ADGRV1: variants seen among roughly 807,000 people sequenced by gnomAD.
ADGRV1 encodes the protein adhesion G protein-coupled receptor V1.
ADGRV1 carries 359 observed loss-of-function variants against 596.2 expected under a neutral mutation model. That is an observed-to-expected ratio of 0.60 (90% confidence interval 0.55 to 0.66). The LOEUF is 0.66. Ranked by LOEUF, ADGRV1 falls within the 30% of genes least tolerant of loss-of-function variation. ADGRV1 has a pLI of 0.00. For synonymous variants in ADGRV1, 2,681 were observed against 2,679.2 expected (o/e 1.00, Z -0.02); for missense variants, 7,274 against 7,575.6 (o/e 0.96, Z 1.48).
rs1561765715 is a variant in ADGRV1, at chr5:90,802,823, A to G, written c.14602A>G (p.Ile4868Val). 1.2e-6 allele frequency: 2 copies of G among 1,612,122 alleles called. No homozygotes were observed. Among genetic ancestry groups the G allele is most frequent in the Non-Finnish European group, 1.7e-6 (2 of 1,179,170 alleles). ...VGGRFYGMPTILQEAKSAVLP... is the reference protein window; with the variant it reads ...VGGRFYGMPTVLQEAKSAVLP... ...TGGACGTTTCTATGGAATGCCAACA[A>G]TTCTTCAGGAAGCAAAATCTGCTGT... Residue 4868 changes from isoleucine to valine, a missense_variant, in exon 71 of 90, where the codon ATT (isoleucine) becomes GTT (valine). Ile to Val is a conservative substitution (Grantham distance 29). This residue lies in a region of ADGRV1 where 1,874 missense variants were observed against 1,970.2 expected (regional missense o/e 0.95). Coordinates refer to ENST00000405460, the MANE Select transcript of ADGRV1 (RefSeq NM_032119.4).
intron 81 of ADGRV1, among the ~76,000 whole-genome samples, chr5:90,855,006 A>T (rs1311093707): frequency 1.3e-5 from 2 of 152,328 alleles, no homozygotes; most frequent in South Asian, 4.1e-4. Flanking sequence ...AATCTTCAAT[A>T]TATAATTAAT....
intron 36 of ADGRV1, among the ~76,000 whole-genome samples, 159 bp downstream of exon 36, chr5:90,704,647 A>G (rs1748359460): frequency 1.3e-5 from 2 of 152,196 alleles, no homozygotes; most frequent in Admixed American, 1.3e-4. Context: ...AATTAGCACC[A>G]TATGGGAATA....
intron 83 of ADGRV1, chr5:90,929,193 C>A (rs563498849): frequency 0.018 from 2,857 of 159,746 alleles, 22 homozygotes; most frequent in Non-Finnish European, 0.021. Context: ...TTGTTTACCT[C>A]AGCAAGCCTG....
chr5:91,070,892 T>C (rs1788330343), intron 85 of ADGRV1, among the ~76,000 whole-genome samples: 1 of 152,114 alleles, frequency 6.6e-6, no homozygotes, highest in Admixed American at 6.6e-5. Context: ...TGTCAGTCAT[T>C]CAAAAAACAA....
intron 83 of ADGRV1, among the ~76,000 whole-genome samples, chr5:90,927,319 T>C (rs1471884492): frequency 6.6e-6 from 1 of 151,534 alleles, no homozygotes; most frequent in Non-Finnish European, 1.5e-5. Context: ...TGGGTGCTCC[T>C]GTATTGGGTG....
chr5:90,948,028 AG>A (rs1471869526), intron 83 of ADGRV1, among the ~76,000 whole-genome samples: 1 of 152,116 alleles, frequency 6.6e-6, no homozygotes, highest in African/African-American at 2.4e-5. Context: ...TTCCTTACAA[AG>A]GTGCTTGAGC....
In ADGRV1 at chr5:90,960,667, G is replaced by A. The variant is rs148491528; in HGVS notation, c.17857-4748G>A. 5.1e-3 allele frequency among the ~76,000 whole-genome samples: 777 copies of A among 152,264 alleles called. 7 individuals carry two copies. Among genetic ancestry groups the A allele is most frequent in the African/African-American group, 0.018 (744 of 41,544 alleles). On this transcript the variant is annotated intron_variant, in intron 83 of 89. Transcript: ENST00000405460. ...AGTCTAGGAATCTGCCGTGATCAGA[G>A]TAAGCAGGTAGAATTTCCAGTTATT...
intron 59 of ADGRV1, among the ~76,000 whole-genome samples, chr5:90,767,429 T>G (rs1020347305): frequency 1.1e-4 from 17 of 152,054 alleles, no homozygotes; most frequent in African/African-American, 4.1e-4. Flanking sequence ...AAATAAGAAT[T>G]GACGAGAAGG....
At chr5:90,651,545 A>G in intron 17 of ADGRV1, 59 bp from the exon 18 acceptor site, 1 of 1,334,616 alleles carries the variant, frequency 7.5e-7, no homozygotes, top group Non-Finnish European at 1.0e-6. Flanking sequence ...TTAAAAGTAT[A>G]AATTTTACAG....
At chr5:90,686,933 T>A (rs1457289646) in intron 29 of ADGRV1, among the ~76,000 whole-genome samples, 2 of 152,234 alleles carry the variant, frequency 1.3e-5, no homozygotes, top group African/African-American at 2.4e-5. Context: ...GGTATCTCAT[T>A]GTGGTTTTGA....
At chr5:90,819,186 T>G (rs1401152670) in intron 75 of ADGRV1, among the ~76,000 whole-genome samples, 1 of 152,206 alleles carries the variant, frequency 6.6e-6, no homozygotes, top group African/African-American at 2.4e-5. Context: ...CTTCTAGATA[T>G]TCTAGTTTAT....
intron 34 of ADGRV1, among the ~76,000 whole-genome samples, chr5:90,700,152 C>G (rs1360295716): frequency 6.6e-6 from 1 of 152,108 alleles, no homozygotes; most frequent in Admixed American, 6.5e-5. Flanking sequence ...AAATGTGTAT[C>G]ATGATGATTT....
At position 90,920,008 on chromosome 5, in the gene ADGRV1, A is replaced by G. The variant is rs560755910; in HGVS notation, c.17857-45407A>G. Among the ~76,000 whole-genome samples the G allele has an allele frequency of 5.3e-5, 8 of 151,594 alleles. No homozygotes were observed. The East Asian group carries it at 5.8e-4, about 11-fold the overall frequency. ...AAACTCCATCTCAAAAAAAAAAAAA[A>G]AAAAAAAGAAAAATATTTTGGAAGA... On this transcript the variant is annotated intron_variant, in intron 83 of 89. Coordinates refer to ENST00000405460, the MANE Select transcript of ADGRV1 (RefSeq NM_032119.4).
chr5:91,102,924 A>G (rs956918919), intron 87 of ADGRV1, among the ~76,000 whole-genome samples: 10 of 152,226 alleles, frequency 6.6e-5, no homozygotes, highest in African/African-American at 2.4e-4. Flanking sequence ...TTAAATGGAA[A>G]AATGTTGCAC....
rs3041948 is a variant in ADGRV1 at position 90,627,917 on chromosome 5, GACAC to G, written c.1238+183_1238+186del. ...AAAGTTTCATGACAAACTCAGAAAA[GACAC>G]ACACACACACACACACACACACACA... is the stretch of plus-strand genomic sequence containing the variant. On this transcript the variant is annotated intron_variant, in intron 7 of 89. Coordinates refer to ENST00000405460, the MANE Select transcript of ADGRV1 (RefSeq NM_032119.4). The G allele has an allele frequency of 0.23, 52,873 of 229,628 alleles. 4,222 individuals are homozygous for G. Among genetic ancestry groups the G allele is most frequent in the Non-Finnish European group, 0.27 (34,843 of 127,520 alleles). The allele number at this position is 229,628 out of a possible 1,614,324, so 14.2% of individuals were successfully genotyped here. A position where few individuals can be genotyped will look rare whatever the true frequency, so the allele number is the denominator to read the frequency against.
chr5:90,596,439 G>A (rs1309186270), intron 1 of ADGRV1, among the ~76,000 whole-genome samples: 5 of 151,984 alleles, frequency 3.3e-5, no homozygotes, highest in Admixed American at 6.5e-5. Flanking sequence ...CAAGGCAGGC[G>A]GCTGGGAGGT....
At chr5:90,748,849 G>C (rs1754935783) in intron 52 of ADGRV1, among the ~76,000 whole-genome samples, 1 of 143,312 alleles carries the variant, frequency 7.0e-6, no homozygotes, top group South Asian at 2.2e-4. Context: ...GAATTGAAGA[G>C]TATGAGAGCT....
intron 11 of ADGRV1, chr5:90,640,770 T>C (rs1230078824): frequency 6.6e-6 from 1 of 152,650 alleles, no homozygotes; most frequent in Non-Finnish European, 1.5e-5. Flanking sequence ...ACAGTATTAG[T>C]GAGATTTTAG....
chr5:90,948,719 C>G (rs752631450), intron 83 of ADGRV1, among the ~76,000 whole-genome samples: 1 of 152,108 alleles, frequency 6.6e-6, no homozygotes, highest in South Asian at 2.1e-4. Flanking sequence ...TTACATTAGC[C>G]TACAGTTGCA....
Sources: gnomAD v4.1 joint callset for allele counts (sites outside exome capture counted in the v4.1 genomes callset) on GRCh38, gnomAD v4.1.1 for gene constraint, gnomAD v4.1.1 regional missense constraint, MANE v1.5 for transcripts, NCBI Gene and HGNC (gene_info 2026-07-23, HGNC 2026-07-21) for gene names.